The following TMEM131L variants were observed in gnomAD, a reference collection of about 807,000 sequenced individuals.
The protein encoded by TMEM131L is transmembrane 131 like, also known as transmembrane protein 131-like.
In TMEM131L, 54 loss-of-function variants were observed where a neutral mutation model predicts 192.2. The observed-to-expected ratio is 0.28, with a 90% CI of 0.23 to 0.35. The LOEUF is 0.35. Among genes scored for constraint, TMEM131L ranks in the 10% least tolerant of loss-of-function variants. The pLI is 1.00. For synonymous variants in TMEM131L, 701 were observed against 704.9 expected, an observed-to-expected ratio of 0.99 and a Z score of 0.09; for missense variants, 1,888 against 1,972.9, an observed-to-expected ratio of 0.96 and a Z score of 0.82.
chr4:153,629,855 G>T (rs866427433), intron 31 of TMEM131L, among the ~76,000 whole-genome samples: 2 of 152,270 alleles, frequency 1.3e-5, no homozygotes, highest in Middle Eastern at 3.4e-3. Flanking sequence ...AGGCCTTGGT[G>T]CTGTGCTTTT....
At position 153,527,843 on chromosome 4, in the gene TMEM131L, A is replaced by C. The variant is rs139312535; in HGVS notation, c.240-22230A>C. On this transcript the variant is annotated intron_variant, in intron 3 of 34. Transcript: ENST00000409959. ...ACTCTGAGGTGAAGGCTGTTTCTGC[A>C]ACATTTGGGTCTAACCTCGTCCTTT... is the stretch of plus-strand genomic sequence containing the variant. Among the ~76,000 whole-genome samples, 295 of 152,298 alleles carry C rather than the reference A, an allele frequency of 1.9e-3. 2 individuals are homozygous for C. The highest frequency in any genetic ancestry group is 6.6e-3 in the African/African-American group (274 of 41,566).
At chr4:153,590,791 T>C (rs1167453575) in intron 16 of TMEM131L, among the ~76,000 whole-genome samples, 1 of 152,108 alleles carries the variant, frequency 6.6e-6, no homozygotes, top group Non-Finnish European at 1.5e-5. Context: ...ATTTGGCTGG[T>C]AGGAGCCCTT....
At chr4:153,609,027 G>T (rs907905952) in intron 25 of TMEM131L, among the ~76,000 whole-genome samples, 1 of 152,074 alleles carries the variant, frequency 6.6e-6, no homozygotes, top group Admixed American at 6.5e-5. Context: ...ATTTGTTTTT[G>T]ATTTTTAACT....
rs538735212 is a variant in TMEM131L, at chr4:153,489,430, G to A, written c.239+15542G>A. Among the ~76,000 whole-genome samples the A allele has an allele frequency of 5.3e-5, 8 of 152,280 alleles. No homozygotes were observed. The East Asian group carries it at 1.5e-3, about 29-fold the overall frequency. ...ATTATTTCTTTGTGTATCTGTAGGAGCACGTCCAAGGAAAATTCTTTATTT... is the reference window on the plus strand; with the variant it reads ...ATTATTTCTTTGTGTATCTGTAGGAACACGTCCAAGGAAAATTCTTTATTT... On this transcript the variant is annotated intron_variant, in intron 3 of 34. Transcript: ENST00000409959.
At chr4:153,490,894 C>T (rs113815454) in intron 3 of TMEM131L, among the ~76,000 whole-genome samples, 15 of 142,516 alleles carry the variant, frequency 1.1e-4, no homozygotes, top group African/African-American at 3.7e-4. Context: ...GTGGAGGTTG[C>T]AGTGAGCCGA....
chr4:153,564,664 T>C (rs1040029466), intron 7 of TMEM131L, among the ~76,000 whole-genome samples: 12 of 152,328 alleles, frequency 7.9e-5, no homozygotes, highest in African/African-American at 2.9e-4. Flanking sequence ...GAGGCTCTCC[T>C]CCTTTTGTTG....
chr4:153,527,782 G>A (rs936710586), intron 3 of TMEM131L, among the ~76,000 whole-genome samples: 14 of 152,198 alleles, frequency 9.2e-5, no homozygotes, highest in Admixed American at 5.2e-4. Context: ...ACCTGGCAGC[G>A]TGTGGCTGAG....
intron 7 of TMEM131L, among the ~76,000 whole-genome samples, chr4:153,574,686 C>T (rs1003570445): frequency 1.3e-5 from 2 of 152,206 alleles, no homozygotes; most frequent in Non-Finnish European, 2.9e-5. Flanking sequence ...CTCCCGGGTT[C>T]AAGCAATTCC....
At chr4:153,598,940 A>C (rs1354849765) in intron 21 of TMEM131L, among the ~76,000 whole-genome samples, 3 of 152,216 alleles carry the variant, frequency 2.0e-5, no homozygotes, top group Non-Finnish European at 4.4e-5. Context: ...TGGTATCTTT[A>C]GATATTTAAC....
chr4:153,624,542 A>C (rs1341186376), intron 29 of TMEM131L, among the ~76,000 whole-genome samples: 1 of 152,376 alleles, frequency 6.6e-6, no homozygotes, highest in Non-Finnish European at 1.5e-5. Flanking sequence ...GAGATTGTGC[A>C]GTTCCTGTTT....
chr4:153,588,184 A>G (rs1266081405), intron 15 of TMEM131L, among the ~76,000 whole-genome samples: 2 of 151,778 alleles, frequency 1.3e-5, no homozygotes, highest in Admixed American at 6.6e-5. Context: ...CTTAAGTTAT[A>G]GGAGTGTAAA....
In TMEM131L at chr4:153,598,717, A is replaced by C. The variant is rs1403175288; in HGVS notation, c.2251A>C (p.Met751Leu). The C allele has an allele frequency of 2.2e-5, 35 of 1,613,380 alleles. No individual in the cohort carries two copies. Among genetic ancestry groups the C allele is most frequent in the Non-Finnish European group, 3.0e-5 (35 of 1,179,592 alleles). The change falls in exon 21 of 35, where the codon ATG (methionine) becomes CTG (leucine). Residue 751 changes from methionine to leucine, a missense_variant. Coordinates refer to ENST00000409959, the MANE Select transcript of TMEM131L (RefSeq NM_001131007.2). Reference sequence around the variant, plus strand: ...ATTTAAGGTGCCCGAGTCCACGCTGATGGACTGCCGTAGACGTGAGTTCAT... The same window carrying C: ...ATTTAAGGTGCCCGAGTCCACGCTGCTGGACTGCCGTAGACGTGAGTTCAT... ...LRFKVPESTL[M>L]DCRRQLKDSK...
At chr4:153,564,911 C>G (rs775936396) in intron 7 of TMEM131L, among the ~76,000 whole-genome samples, 2 of 152,216 alleles carry the variant, frequency 1.3e-5, no homozygotes, top group African/African-American at 4.8e-5. Context: ...AGAGCTTCTA[C>G]CCCTCTTTTC....
chr4:153,499,952 AT>A (rs57387097), intron 3 of TMEM131L, among the ~76,000 whole-genome samples: 45 of 149,232 alleles, frequency 3.0e-4, no homozygotes, highest in East Asian at 2.5e-3. Context: ...TTTTACCTAA[AT>A]TTTTTTTTTT....
At chr4:153,515,257 A>G (rs1166178808) in intron 3 of TMEM131L, among the ~76,000 whole-genome samples, 2 of 152,222 alleles carry the variant, frequency 1.3e-5, no homozygotes, top group Non-Finnish European at 2.9e-5. Context: ...GCCCCTGGCC[A>G]CCACTCCATT....
chr4:153,598,546 G>A lies in TMEM131L; in HGVS notation c.2124-44G>A, dbSNP rs772462780. Reference sequence around the variant, plus strand: ...TAAATTTAAGTACATTGTACCTTGTGACTCCATGTAATGCCTTTTTATATC... The same window carrying A: ...TAAATTTAAGTACATTGTACCTTGTAACTCCATGTAATGCCTTTTTATATC... On this transcript the variant is annotated intron_variant, in intron 20 of 34. Coordinates refer to ENST00000409959, the MANE Select transcript of TMEM131L (RefSeq NM_001131007.2). 4 of 1,536,774 alleles carry A rather than the reference G, an allele frequency of 2.6e-6. No homozygotes were observed. In the South Asian group the frequency reaches 4.5e-5, roughly 17 times the overall value.
chr4:153,510,806 A>G (rs967471856), intron 3 of TMEM131L, among the ~76,000 whole-genome samples: 4 of 151,648 alleles, frequency 2.6e-5, no homozygotes, highest in African/African-American at 9.7e-5. Flanking sequence ...GGATTGCCTG[A>G]GCTTAGGGAG....
chr4:153,592,912 G>C (rs1287990281), intron 18 of TMEM131L, among the ~76,000 whole-genome samples: 4 of 152,166 alleles, frequency 2.6e-5, no homozygotes, highest in African/African-American at 7.2e-5. Context: ...TTTCTAGGCA[G>C]CATAAATAAG....
chr4:153,595,565 G>T (rs554521809), intron 19 of TMEM131L, among the ~76,000 whole-genome samples: 98 of 152,088 alleles, frequency 6.4e-4, no homozygotes, highest in African/African-American at 2.3e-3. Context: ...TATTCTTCAG[G>T]ATTATATATT....
Sources: gnomAD v4.1 joint callset for allele counts (sites outside exome capture counted in the v4.1 genomes callset) on GRCh38, gnomAD v4.1.1 for gene constraint, MANE v1.5 for transcripts, NCBI Gene and HGNC (gene_info 2026-07-23, HGNC 2026-07-21) for gene names.